The following MED12L variants were observed in gnomAD, a reference collection of about 807,000 sequenced individuals.
MED12L encodes the protein mediator complex subunit 12L, also known as mediator of RNA polymerase II transcription subunit 12-like protein.
Under a neutral mutation model 281.3 loss-of-function variants are expected in MED12L, and 60 were observed. That is an observed-to-expected ratio of 0.21 (90% confidence interval 0.17 to 0.26). The LOEUF (loss-of-function observed/expected upper bound fraction) is 0.26. Ranked by LOEUF, MED12L falls within the 10% of genes least tolerant of loss-of-function variation. MED12L has a pLI of 1.00. For missense variants in MED12L, 2,146 were observed against 2,680.9 expected (o/e 0.80, Z 4.41); for synonymous variants, 974 against 987.2 (o/e 0.99, Z 0.25).
chr3:151,368,343 T>A, intron 25 of MED12L, 92 bp downstream of exon 25: 2 of 1,136,664 alleles, frequency 1.8e-6, no homozygotes, highest in Non-Finnish European at 2.6e-6. Flanking sequence ...TGTAATTGCC[T>A]TCTTAATTTT....
At chr3:151,185,935 C>T (rs2149075687) in intron 12 of MED12L, among the ~76,000 whole-genome samples, 1 of 152,160 alleles carries the variant, frequency 6.6e-6, no homozygotes, top group African/African-American at 2.4e-5. Context: ...TATGCGTACA[C>T]AAAACATACA....
intron 43 of MED12L, 21 bp from the exon 44 acceptor site, chr3:151,430,276 CCT>C: frequency 6.2e-7 from 1 of 1,613,874 alleles, no homozygotes. Context: ...TGATTTCTGT[CCT>C]TTCTCCTGTC....
chr3:151,215,124 TC>T (rs1204745115), intron 16 of MED12L, among the ~76,000 whole-genome samples: 1 of 151,994 alleles, frequency 6.6e-6, no homozygotes, highest in Non-Finnish European at 1.5e-5. Flanking sequence ...TTTTTTTTTT[TC>T]CCATTGAAAA....
intron 44 of MED12L, among the ~76,000 whole-genome samples, chr3:151,431,934 T>C (rs547979165): frequency 2.6e-5 from 4 of 152,138 alleles, no homozygotes; most frequent in Non-Finnish European, 5.9e-5. Context: ...TTGCCCAAGG[T>C]TTTTCAGCTA....
chr3:151,238,108 C>G (rs1351576475), intron 16 of MED12L, among the ~76,000 whole-genome samples: 1 of 151,824 alleles, frequency 6.6e-6, no homozygotes, highest in Non-Finnish European at 1.5e-5. Context: ...CTTTTCTGTC[C>G]TAAAGTTTAG....
At chr3:151,307,037 G>T (rs532100691) in intron 16 of MED12L, among the ~76,000 whole-genome samples, 35 of 152,296 alleles carry the variant, frequency 2.3e-4, no homozygotes, top group African/African-American at 8.2e-4. Context: ...ATTATATAGA[G>T]ATATTGATGT....
At chr3:151,386,447 T>C (rs1489001858) in intron 36 of MED12L, among the ~76,000 whole-genome samples, 1 of 152,198 alleles carries the variant, frequency 6.6e-6, no homozygotes, top group African/African-American at 2.4e-5. Flanking sequence ...TGGAGTGCAG[T>C]AGTGCGATCT....
chr3:151,140,463 A>G (rs768713077), intron 5 of MED12L, among the ~76,000 whole-genome samples: 1 of 152,194 alleles, frequency 6.6e-6, no homozygotes, highest in Non-Finnish European at 1.5e-5. Flanking sequence ...AGAAACTTTA[A>G]AAAGTTCTAA....
At chr3:151,324,643 C>T (rs1277139323) in intron 16 of MED12L, among the ~76,000 whole-genome samples, 5 of 152,146 alleles carry the variant, frequency 3.3e-5, no homozygotes, top group Non-Finnish European at 5.9e-5. Context: ...AGATAATAAG[C>T]ATTTCATAGC....
At chr3:151,197,512 G>A (rs989009067) in intron 16 of MED12L, among the ~76,000 whole-genome samples, 1 of 152,126 alleles carries the variant, frequency 6.6e-6, no homozygotes, top group Non-Finnish European at 1.5e-5. Flanking sequence ...GGACCTGGGT[G>A]GCACTGAGTA....
intron 16 of MED12L, chr3:151,269,441 A>ACACACAC (rs1559962861): frequency 7.2e-4 from 166 of 231,050 alleles, no homozygotes; most frequent in Non-Finnish European, 9.0e-4. Context: ...ACACACACAC[A>ACACACAC]AAATTCAGAG....
chr3:151,383,677 G>C, intron 33 of MED12L, 102 bp from the exon 34 acceptor site: 2 of 703,594 alleles, frequency 2.8e-6, no homozygotes, highest in Non-Finnish European at 4.8e-6. Flanking sequence ...AGCATCCCTT[G>C]TTTTTTTAAA....
intron 8 of MED12L, among the ~76,000 whole-genome samples, chr3:151,162,578 A>T (rs981723369): frequency 5.3e-5 from 8 of 151,292 alleles, no homozygotes; most frequent in Admixed American, 3.3e-4. Flanking sequence ...AGCTAGGACT[A>T]CAGATGTGCA....
chr3:151,315,705 C>T (rs1246185088), intron 16 of MED12L, among the ~76,000 whole-genome samples: 1 of 152,082 alleles, frequency 6.6e-6, no homozygotes, highest in Non-Finnish European at 1.5e-5. Flanking sequence ...TTTTTCCCCC[C>T]AGTATAAAGT....
chr3:151,273,227 C>CTTTTTTTT (rs63035061), intron 16 of MED12L, among the ~76,000 whole-genome samples: 4 of 106,170 alleles, frequency 3.8e-5, no homozygotes, highest in Non-Finnish European at 7.6e-5. Context: ...TTGTTGTGTT[C>CTTTTTTTT]TTTTTTTTTT....
At chr3:151,319,546 A>G (rs1279659603) in intron 16 of MED12L, among the ~76,000 whole-genome samples, 1 of 151,024 alleles carries the variant, frequency 6.6e-6, no homozygotes, top group Non-Finnish European at 1.5e-5. Flanking sequence ...TTTTGTTTTT[A>G]TACTAGGGTG....
At chr3:151,237,842 C>T (rs1733238534) in intron 16 of MED12L, among the ~76,000 whole-genome samples, 1 of 152,130 alleles carries the variant, frequency 6.6e-6, no homozygotes, top group South Asian at 2.1e-4. Context: ...TTCATATGAT[C>T]ACTGGTATTT....
intron 44 of MED12L, among the ~76,000 whole-genome samples, chr3:151,431,456 A>C (rs1560157778): frequency 6.6e-6 from 1 of 152,224 alleles, no homozygotes; most frequent in Non-Finnish European, 1.5e-5. Context: ...GTGGATACCC[A>C]AAATTTTTTT....
chr3:151,388,492 A>G (rs1416456463), intron 37 of MED12L, among the ~76,000 whole-genome samples: 3 of 152,186 alleles, frequency 2.0e-5, no homozygotes, highest in Non-Finnish European at 4.4e-5. Context: ...ATACAATCCC[A>G]TTCTCTCACA....
Sources: allele counts gnomAD v4.1 joint callset (sites outside exome capture counted in the v4.1 genomes callset), GRCh38; gene constraint gnomAD v4.1.1; transcripts MANE v1.5; gene names NCBI Gene and HGNC (gene_info 2026-07-23, HGNC 2026-07-21).